The following ANKS1A variants were observed in gnomAD, a reference collection of about 807,000 sequenced individuals.
ANKS1A encodes the protein ankyrin repeat and SAM domain-containing protein 1A.
A neutral mutation model predicts 120.3 loss-of-function variants in ANKS1A; 55 were observed. That is an observed-to-expected ratio of 0.46 (90% CI 0.37 to 0.57). The LOEUF is 0.57. Among genes scored for constraint, ANKS1A ranks in the 20% least tolerant of loss-of-function variants. The pLI, the probability that ANKS1A is intolerant of heterozygous loss-of-function variation, is 0.00. For synonymous variants in ANKS1A, 590 were observed against 604.7 expected (o/e 0.98, Z 0.36); for missense variants, 1,123 against 1,480.3 (o/e 0.76, Z 3.96).
intron 10 of ANKS1A, among the ~76,000 whole-genome samples, chr6:35,008,688 T>A (rs1255912963): frequency 6.6e-6 from 1 of 152,088 alleles, no homozygotes. Flanking sequence ...TGACAGCCAT[T>A]TATATACATG....
intron 13 of ANKS1A, among the ~76,000 whole-genome samples, chr6:35,061,811 G>GA (rs756609238): frequency 5.9e-5 from 9 of 152,200 alleles, no homozygotes; most frequent in Non-Finnish European, 1.3e-4. Flanking sequence ...TCGGGGTGGA[G>GA]AGGGGGCTCA....
intron 10 of ANKS1A, among the ~76,000 whole-genome samples, chr6:35,009,187 T>C (rs1233700085): frequency 6.6e-6 from 1 of 152,100 alleles, no homozygotes; most frequent in Non-Finnish European, 1.5e-5. Flanking sequence ...GGGAATGCCC[T>C]AAAGTCAAGA....
chr6:35,073,431 G>A (rs957618414), intron 13 of ANKS1A, among the ~76,000 whole-genome samples: 2 of 152,190 alleles, frequency 1.3e-5, no homozygotes, highest in Non-Finnish European at 2.9e-5. Context: ...GACACCTGCC[G>A]GCGATATGAA....
chr6:35,000,304 G>A (rs1327623410), intron 10 of ANKS1A, among the ~76,000 whole-genome samples: 2 of 150,454 alleles, frequency 1.3e-5, no homozygotes, highest in Non-Finnish European at 3.0e-5. Flanking sequence ...GACTAAACAA[G>A]GTCTTATTAA....
At chr6:35,046,814 A>G (rs1037342656) in intron 11 of ANKS1A, among the ~76,000 whole-genome samples, 1 of 152,166 alleles carries the variant, frequency 6.6e-6, no homozygotes, top group African/African-American at 2.4e-5. Context: ...CTGTTATTCC[A>G]TGAGTTTTGA....
intron 1 of ANKS1A, among the ~76,000 whole-genome samples, chr6:34,945,502 T>C (rs963043209): frequency 6.6e-6 from 1 of 152,244 alleles, no homozygotes; most frequent in South Asian, 2.1e-4. Flanking sequence ...CTCCACTGAA[T>C]TGGCCTTTGC....
rs139068988 is a variant in ANKS1A, at chr6:34,952,827, A to T, written c.198-14412A>T. Among the ~76,000 whole-genome samples the T allele has an allele frequency of 2.8e-4, 42 of 151,616 alleles. No homozygotes were observed. The East Asian group carries it at 8.0e-3, about 29-fold the overall frequency. On this transcript the variant is annotated intron_variant, in intron 1 of 23. Coordinates refer to ENST00000360359, the MANE Select transcript of ANKS1A (RefSeq NM_015245.3). ...CGGGTTCAAGTGATTCTCCTGCCTC[A>T]GCCTCCTGAGTAGCTGGGATTACAG...
chr6:34,913,300 C>G (rs1017096190), intron 1 of ANKS1A, among the ~76,000 whole-genome samples: 7 of 152,194 alleles, frequency 4.6e-5, no homozygotes. Flanking sequence ...CCTACCCATT[C>G]ACTAGTTAGG....
rs564211363 is a variant in ANKS1A at position 35,055,734 on chromosome 6, G to A, written c.2077+1569G>A. Among the ~76,000 whole-genome samples, 5 of 152,292 alleles carry A rather than the reference G, an allele frequency of 3.3e-5. No homozygotes were observed. The East Asian group carries it at 7.7e-4, about 24-fold the overall frequency. On this transcript the variant is annotated intron_variant, in intron 12 of 23. Transcript: ENST00000360359. Reference sequence around the variant, plus strand: ...GCTCCCTCCACAGTTTTCAGTCCTGGTTCCCAGAGCCACCATCGCTCCAGC... The same window carrying A: ...GCTCCCTCCACAGTTTTCAGTCCTGATTCCCAGAGCCACCATCGCTCCAGC...
chr6:34,938,975 G>A (rs554070580), intron 1 of ANKS1A, among the ~76,000 whole-genome samples: 42 of 152,352 alleles, frequency 2.8e-4, no homozygotes, highest in South Asian at 4.1e-4. Flanking sequence ...GCGACAGAGC[G>A]AGACTCCATC....
chr6:35,038,544 T>C (rs1290416929), intron 11 of ANKS1A, among the ~76,000 whole-genome samples: 1 of 152,132 alleles, frequency 6.6e-6, no homozygotes, highest in Non-Finnish European at 1.5e-5. Context: ...TGCAATGGTG[T>C]GACAATAGCT....
At chr6:35,059,202 G>A (rs910546225) in intron 12 of ANKS1A, among the ~76,000 whole-genome samples, 2 of 152,230 alleles carry the variant, frequency 1.3e-5, no homozygotes, top group Non-Finnish European at 2.9e-5. Flanking sequence ...AACCAGCCTG[G>A]CCCAAGAAGG....
chr6:35,012,769 T>C (rs1470871188), intron 10 of ANKS1A, among the ~76,000 whole-genome samples: 1 of 152,126 alleles, frequency 6.6e-6, no homozygotes, highest in Non-Finnish European at 1.5e-5. Flanking sequence ...GTTGATGGGA[T>C]TGGGAATTAG....
At chr6:35,076,733 G>C (rs1216744061) in intron 13 of ANKS1A, among the ~76,000 whole-genome samples, 1 of 152,082 alleles carries the variant, frequency 6.6e-6, no homozygotes, top group African/African-American at 2.4e-5. Flanking sequence ...GGTTCAAAAT[G>C]ATTCTCCTGC....
chr6:34,954,972 G>A (rs1770282468), intron 1 of ANKS1A, among the ~76,000 whole-genome samples: 1 of 152,022 alleles, frequency 6.6e-6, no homozygotes. Context: ...CATCCTTCAA[G>A]TATATCACAG....
chr6:34,904,449 A>G (rs1767533505), intron 1 of ANKS1A, among the ~76,000 whole-genome samples: 1 of 152,132 alleles, frequency 6.6e-6, no homozygotes, highest in Non-Finnish European at 1.5e-5. Flanking sequence ...AAAAAAAATT[A>G]TGGGCTGGGC....
intron 2 of ANKS1A, among the ~76,000 whole-genome samples, chr6:34,969,034 A>G (rs2127510779): frequency 6.6e-6 from 1 of 152,336 alleles, no homozygotes; most frequent in South Asian, 2.1e-4. Context: ...AATTAAAGTG[A>G]ATCTTGAACT....
chr6:35,038,375 G>A, intron 11 of ANKS1A: 1 of 454,358 alleles, frequency 2.2e-6, no homozygotes, highest in Non-Finnish European at 4.4e-6. Flanking sequence ...ACGATGAAAG[G>A]AGAATGAAAG....
At chr6:34,971,535 T>G (rs1771185413) in intron 3 of ANKS1A, among the ~76,000 whole-genome samples, 1 of 152,222 alleles carries the variant, frequency 6.6e-6, no homozygotes. Context: ...GATACTTTTC[T>G]CAGTTCCTAG....
Sources: gnomAD v4.1 joint callset for allele counts (sites outside exome capture counted in the v4.1 genomes callset) on GRCh38, gnomAD v4.1.1 for gene constraint, MANE v1.5 for transcripts, NCBI Gene and HGNC (gene_info 2026-07-23, HGNC 2026-07-21) for gene names.